SAMTOR: variants seen among roughly 807,000 people sequenced by gnomAD.
SAMTOR encodes S-adenosylmethionine sensor upstream of mTORC1, also known as UPF0532 protein C7orf60.
chr7:112,902,387 G>A, the SAMTOR span, among the ~76,000 whole-genome samples: 2 of 117,350 alleles, frequency 1.7e-5, no homozygotes, highest in African/African-American at 3.3e-5. Context: ...TTGCACTCCA[G>A]CCTGGGCAAC....
the SAMTOR span, chr7:112,822,180 T>C: frequency 6.2e-7 from 1 of 1,613,870 alleles, no homozygotes; most frequent in Non-Finnish European, 8.5e-7. Flanking sequence ...ATGGGCTTTC[T>C]TGCAGCAAAT....
chr7:112,864,362 C>T, the SAMTOR span, among the ~76,000 whole-genome samples: 8 of 152,138 alleles, frequency 5.3e-5, no homozygotes, highest in East Asian at 1.9e-4. Flanking sequence ...AACAAACCTA[C>T]ACTTGTACCC....
the SAMTOR span, among the ~76,000 whole-genome samples, chr7:112,920,560 C>A: frequency 6.7e-6 from 1 of 150,196 alleles, no homozygotes; most frequent in African/African-American, 2.5e-5. Context: ...TGCCCTCTCT[C>A]ACCACTCTTA....
chr7:112,894,200 T>G, the SAMTOR span, among the ~76,000 whole-genome samples: 166 of 101,556 alleles, frequency 1.6e-3, no homozygotes, highest in Middle Eastern at 0.014. Context: ...GAGGGAAGAG[T>G]GGGGAGAGAG....
chr7:112,902,788 T>C, the SAMTOR span, among the ~76,000 whole-genome samples: 7 of 152,196 alleles, frequency 4.6e-5, no homozygotes, highest in Non-Finnish European at 1.0e-4. Context: ...TGTGGGTTTC[T>C]GGTCAATTGT....
chr7:112,934,756 C>T, the SAMTOR span, among the ~76,000 whole-genome samples: 6 of 152,134 alleles, frequency 3.9e-5, no homozygotes, highest in African/African-American at 9.7e-5. Context: ...GGCTAAGAAC[C>T]GCTATGTTAG....
At chr7:112,925,613 G>A in the SAMTOR span, among the ~76,000 whole-genome samples, 1 of 152,078 alleles carries the variant, frequency 6.6e-6, no homozygotes, top group African/African-American at 2.4e-5. Context: ...GACAAACATG[G>A]TAAAACCCTG....
At chr7:112,833,640 T>TA in the SAMTOR span, among the ~76,000 whole-genome samples, 1 of 152,136 alleles carries the variant, frequency 6.6e-6, no homozygotes, top group South Asian at 2.1e-4. Flanking sequence ...CTGAGAGTCT[T>TA]AAAAAAATAT....
chr7:112,923,895 G>A, the SAMTOR span, among the ~76,000 whole-genome samples: 6 of 152,300 alleles, frequency 3.9e-5, no homozygotes, highest in East Asian at 9.7e-4. Context: ...CCTTTGTAGG[G>A]ATATGGATGA....
chr7:112,885,021 A>G, the SAMTOR span, among the ~76,000 whole-genome samples: 3 of 152,236 alleles, frequency 2.0e-5, no homozygotes, highest in Non-Finnish European at 2.9e-5. Flanking sequence ...ATGCACCCAC[A>G]GGCTCAACAC....
the SAMTOR span, among the ~76,000 whole-genome samples, chr7:112,863,988 T>C: frequency 6.6e-6 from 1 of 152,154 alleles, no homozygotes; most frequent in Non-Finnish European, 1.5e-5. Flanking sequence ...AGCAAAGACA[T>C]GGAATCAACC....
the SAMTOR span, among the ~76,000 whole-genome samples, chr7:112,834,102 G>T: frequency 6.6e-6 from 1 of 152,070 alleles, no homozygotes; most frequent in African/African-American, 2.4e-5. Flanking sequence ...TGAGTTGTTT[G>T]TGCTTCTATA....
At chr7:112,853,380 C>A in the SAMTOR span, among the ~76,000 whole-genome samples, 1 of 151,946 alleles carries the variant, frequency 6.6e-6, no homozygotes, top group South Asian at 2.1e-4. Flanking sequence ...ATTGTCTTTT[C>A]TTTTCCAAAA....
chr7:112,842,676 C>A, the SAMTOR span, among the ~76,000 whole-genome samples: 19 of 152,054 alleles, frequency 1.2e-4, no homozygotes, highest in South Asian at 6.2e-4. Flanking sequence ...ACATAGTCAA[C>A]AGTTATGAAA....
chr7:112,907,800 A>G, the SAMTOR span, among the ~76,000 whole-genome samples: 7 of 152,012 alleles, frequency 4.6e-5, no homozygotes, highest in East Asian at 9.7e-4. Flanking sequence ...TGAGCCACAT[A>G]CTATGTTGGT....
chr7:112,866,508 T>A, the SAMTOR span, among the ~76,000 whole-genome samples: 1 of 152,076 alleles, frequency 6.6e-6, no homozygotes, highest in Non-Finnish European at 1.5e-5. Flanking sequence ...CCAGGCCAAG[T>A]GAAACAGGGA....
chr7:112,824,453 T>C, the SAMTOR span, among the ~76,000 whole-genome samples: 1 of 152,046 alleles, frequency 6.6e-6, no homozygotes, highest in Non-Finnish European at 1.5e-5. Flanking sequence ...CTCCGCCTCC[T>C]GGGTTCAAGT....
At chr7:112,920,850 C>T in the SAMTOR span, among the ~76,000 whole-genome samples, 474 of 152,128 alleles carry the variant, frequency 3.1e-3, 2 homozygotes, top group African/African-American at 0.011. Context: ...TTCACAATTG[C>T]TTCAAAGAGA....
At chr7:112,836,798 G>C in the SAMTOR span, among the ~76,000 whole-genome samples, 1 of 151,982 alleles carries the variant, frequency 6.6e-6, no homozygotes, top group Non-Finnish European at 1.5e-5. Flanking sequence ...CCATTGGTCT[G>C]TGTGTCTGTT....
Sources: gnomAD v4.1 joint callset for allele counts (sites outside exome capture counted in the v4.1 genomes callset) on GRCh38, gnomAD v4.1.1 for gene constraint, MANE v1.5 for transcripts, NCBI Gene and HGNC (gene_info 2026-07-23, HGNC 2026-07-21) for gene names.